ADCY2: variants seen among roughly 807,000 people sequenced by gnomAD.
ADCY2 encodes the protein adenylate cyclase 2.
A neutral mutation model predicts 125.2 loss-of-function variants in ADCY2; 31 were observed. That is an observed-to-expected ratio of 0.25 (90% confidence interval 0.19 to 0.33). The LOEUF (loss-of-function observed/expected upper bound fraction) is 0.33, where lower values mean the gene tolerates loss of function less well. ADCY2 is among the 10% of genes least tolerant of loss of function. The pLI is 1.00. For synonymous variants in ADCY2, 512 were observed against 548.4 expected, an observed-to-expected ratio of 0.93 and a Z score of 0.93; for missense variants, 904 against 1,418.2, an observed-to-expected ratio of 0.64 and a Z score of 5.82.
At chr5:7,719,955 A>G (rs1275376376) in intron 12 of ADCY2, among the ~76,000 whole-genome samples, 1 of 152,110 alleles carries the variant, frequency 6.6e-6, no homozygotes, top group Non-Finnish European at 1.5e-5. Context: ...GGGTGTACCC[A>G]TGCCCCTCTA....
At position 7,621,629 on chromosome 5, in the gene ADCY2, C is replaced by T. The variant is rs116810854; in HGVS notation, c.571-4538C>T. On this transcript the variant is annotated intron_variant, in intron 3 of 24. Transcript: ENST00000338316. ...TAAAACAAGTCCATTCTCCTGATTG[C>T]GCTGCTCTCTGTACTCTTAAATGTG... is the stretch of plus-strand genomic sequence containing the variant. Among the ~76,000 whole-genome samples, 362 of 152,260 alleles carry T rather than the reference C, an allele frequency of 2.4e-3. 2 individuals carry two copies. The highest frequency in any genetic ancestry group is 8.3e-3 in the South Asian group (40 of 4,816).
chr5:7,612,169 C>A (rs563353463), intron 3 of ADCY2, among the ~76,000 whole-genome samples: 12 of 152,096 alleles, frequency 7.9e-5, no homozygotes, highest in Admixed American at 2.0e-4. Context: ...AAAAAAAGGA[C>A]CTAGATCCTA....
intron 7 of ADCY2, 114 bp downstream of exon 7, chr5:7,698,488 C>T: frequency 9.3e-7 from 1 of 1,073,354 alleles, no homozygotes; most frequent in Non-Finnish European, 1.4e-6. Flanking sequence ...TTTCCTGCAC[C>T]CATCAACTCA....
rs1740989782 is a variant in ADCY2, at chr5:7,699,080, C to CTTTT, written c.1109+706_1109+707insTTTT. 3.6e-4 allele frequency among the ~76,000 whole-genome samples: 13 copies of CTTTT among 36,544 alleles called. No homozygotes were observed. The East Asian group carries it at 0.027, about 75-fold the overall frequency. 24.0% of individuals were successfully genotyped at this position (36,544 alleles called of 152,430 possible). ...TCCTGAGTCAGGAAACAACAGTAAG[C>CTTTT]ATTTTTTTTTTTTTTTTTTTTTTTT... On this transcript the variant is annotated intron_variant, in intron 7 of 24. Coordinates refer to ENST00000338316, the MANE Select transcript of ADCY2 (RefSeq NM_020546.3).
intron 22 of ADCY2, among the ~76,000 whole-genome samples, chr5:7,806,831 A>G (rs995718757): frequency 4.6e-5 from 7 of 152,156 alleles, no homozygotes; most frequent in Non-Finnish European, 1.0e-4. Context: ...TTAAAATTTC[A>G]TTATTTTAGT....
At chr5:7,631,276 A>G (rs897585757) in intron 4 of ADCY2, among the ~76,000 whole-genome samples, 3 of 152,224 alleles carry the variant, frequency 2.0e-5, no homozygotes, top group Admixed American at 6.5e-5. Flanking sequence ...GTAACCTAAC[A>G]TAGTCCCAGA....
At chr5:7,441,216 G>A (rs6893414) in intron 2 of ADCY2, among the ~76,000 whole-genome samples, 122,437 of 152,028 alleles carry the variant, frequency 0.81, 49,839 homozygotes, top group African/African-American at 0.88. Flanking sequence ...TGTCTGGTCA[G>A]CTGTCCACTG....
At chr5:7,765,419 G>A (rs1240561020) in intron 16 of ADCY2, among the ~76,000 whole-genome samples, 2 of 152,132 alleles carry the variant, frequency 1.3e-5, no homozygotes, top group Non-Finnish European at 2.9e-5. Flanking sequence ...AGTTCAGCCA[G>A]GGATGTGATG....
chr5:7,443,993 G>T (rs1180338665), intron 2 of ADCY2, among the ~76,000 whole-genome samples: 2 of 152,036 alleles, frequency 1.3e-5, no homozygotes, highest in Non-Finnish European at 1.5e-5. Flanking sequence ...TAACTATATG[G>T]CTATCTATAT....
intron 2 of ADCY2, among the ~76,000 whole-genome samples, chr5:7,421,498 G>A (rs1740201646): frequency 6.6e-6 from 1 of 152,092 alleles, no homozygotes; most frequent in Non-Finnish European, 1.5e-5. Flanking sequence ...CAATCATATT[G>A]GATTACAACC....
chr5:7,640,511 G>A (rs1016926066), intron 4 of ADCY2, among the ~76,000 whole-genome samples: 3 of 152,104 alleles, frequency 2.0e-5, no homozygotes, highest in Non-Finnish European at 2.9e-5. Context: ...ATATTAGAAA[G>A]AATTGACAGA....
At chr5:7,451,900 C>CT (rs1372974808) in intron 2 of ADCY2, among the ~76,000 whole-genome samples, 1 of 151,784 alleles carries the variant, frequency 6.6e-6, no homozygotes, top group Non-Finnish European at 1.5e-5. Context: ...AATATGTAGG[C>CT]TTTTTTGTTT....
At chr5:7,500,339 GCTCA>G (rs1394133137) in intron 2 of ADCY2, among the ~76,000 whole-genome samples, 14 of 152,166 alleles carry the variant, frequency 9.2e-5, no homozygotes, top group Non-Finnish European at 1.2e-4. Flanking sequence ...GAGCAGAACC[GCTCA>G]CTCCTTAAGT....
chr5:7,499,311 G>T (rs1743461662), intron 2 of ADCY2, among the ~76,000 whole-genome samples: 1 of 151,992 alleles, frequency 6.6e-6, no homozygotes, highest in Non-Finnish European at 1.5e-5. Context: ...TGGCCGAGTG[G>T]TTTTTTTGTA....
chr5:7,654,809 T>C (rs985222064), intron 4 of ADCY2, among the ~76,000 whole-genome samples: 2 of 152,134 alleles, frequency 1.3e-5, no homozygotes, highest in Non-Finnish European at 2.9e-5. Context: ...CCAGGACTGC[T>C]GTCAATAGTA....
intron 1 of ADCY2, among the ~76,000 whole-genome samples, chr5:7,402,510 C>A (rs1363158352): frequency 6.6e-6 from 1 of 152,130 alleles, no homozygotes; most frequent in Non-Finnish European, 1.5e-5. Flanking sequence ...GTCGGGTAGA[C>A]ACAGTAAGAA....
At chr5:7,725,924 G>C (rs997196871) in intron 13 of ADCY2, among the ~76,000 whole-genome samples, 1 of 152,134 alleles carries the variant, frequency 6.6e-6, no homozygotes, top group Non-Finnish European at 1.5e-5. Flanking sequence ...TGCAGATGCC[G>C]ACTTTAAAGC....
chr5:7,824,184 G>A (rs759571106), intron 24 of ADCY2, among the ~76,000 whole-genome samples: 2 of 152,032 alleles, frequency 1.3e-5, no homozygotes, highest in African/African-American at 2.4e-5. Flanking sequence ...CCTGAGGAAC[G>A]GGTTCTTTTT....
intron 2 of ADCY2, among the ~76,000 whole-genome samples, chr5:7,474,787 A>G (rs2126462112): frequency 6.6e-6 from 1 of 152,372 alleles, no homozygotes; most frequent in Admixed American, 6.5e-5. Context: ...TCACATATCA[A>G]CTGGGATCCT....
Sources: gnomAD v4.1 joint callset for allele counts (sites outside exome capture counted in the v4.1 genomes callset) on GRCh38, gnomAD v4.1.1 for gene constraint, MANE v1.5 for transcripts, NCBI Gene and HGNC (gene_info 2026-07-23, HGNC 2026-07-21) for gene names.